SLC9A9: variants seen among roughly 807,000 people sequenced by gnomAD.
SLC9A9 encodes solute carrier family 9 member A9.
Under a neutral mutation model 77.8 loss-of-function variants are expected in SLC9A9, and 62 were observed. The ratio of observed to expected loss-of-function variants is 0.80; its 90% CI spans 0.65 to 0.98. The LOEUF (loss-of-function observed/expected upper bound fraction) is 0.98, where lower values mean the gene tolerates loss of function less well. Ranked by LOEUF, SLC9A9 falls within the 50% of genes least tolerant of loss-of-function variation. The probability of loss-of-function intolerance (pLI) is 0.00; values close to 1 mark genes in which losing one functional copy is unlikely to be tolerated. For missense variants in SLC9A9, 775 were observed against 774.9 expected (o/e 1.00, Z 0.00); for synonymous variants, 320 against 283.5 (o/e 1.13, Z -1.29).
rs183797075 is a variant in SLC9A9 at position 143,336,326 on chromosome 3, A to C, written c.1604+27158T>G. On this transcript the variant is annotated intron_variant, in intron 14 of 15. Coordinates refer to ENST00000316549, the MANE Select transcript of SLC9A9 (RefSeq NM_173653.4). ...GGGTGCAGCTGCTATGGAAAACAGT[A>C]AGTATGTTCCTCAAAAAATTAAAAA... 2.6e-5 allele frequency among the ~76,000 whole-genome samples: 4 copies of C among 152,264 alleles called. No homozygotes were observed. The East Asian group carries it at 7.7e-4, about 29-fold the overall frequency.
chr3:143,395,924 G>T (rs2033717931), intron 12 of SLC9A9, among the ~76,000 whole-genome samples: 1 of 152,192 alleles, frequency 6.6e-6, no homozygotes, highest in Non-Finnish European at 1.5e-5. Context: ...AGTTAGAATG[G>T]CGATCATTAA....
intron 6 of SLC9A9, among the ~76,000 whole-genome samples, chr3:143,632,425 G>C (rs1357427256): frequency 6.6e-6 from 1 of 151,998 alleles, no homozygotes; most frequent in Non-Finnish European, 1.5e-5. Context: ...GCCATCACAT[G>C]GTTTAAAATA....
rs186498062 is a variant in SLC9A9, at chr3:143,302,472, T to G, written c.1605-33492A>C. 2.5e-4 allele frequency among the ~76,000 whole-genome samples: 38 copies of G among 152,162 alleles called. 1 individual carries two copies. In the East Asian group the frequency reaches 5.4e-3, roughly 22 times the overall value. On this transcript the variant is annotated intron_variant, in intron 14 of 15. Coordinates refer to ENST00000316549, the MANE Select transcript of SLC9A9 (RefSeq NM_173653.4). ...TATTAAGAGGAATGAATTAAAGGGC[T>G]GAAAAAGCCCAAGAAAGGAGATGCA...
intron 6 of SLC9A9, among the ~76,000 whole-genome samples, chr3:143,580,028 C>T (rs1051479548): frequency 3.3e-5 from 5 of 152,146 alleles, no homozygotes; most frequent in Admixed American, 6.5e-5. Flanking sequence ...TTGAATGAAG[C>T]CTTGAAATGT....
intron 11 of SLC9A9, among the ~76,000 whole-genome samples, chr3:143,488,843 C>T (rs1008382769): frequency 6.6e-6 from 1 of 151,826 alleles, no homozygotes; most frequent in African/African-American, 2.4e-5. Flanking sequence ...GACAAAAATG[C>T]CCACTTTGAC....
At chr3:143,554,691 C>A (rs1000649039) in intron 8 of SLC9A9, among the ~76,000 whole-genome samples, 1 of 152,154 alleles carries the variant, frequency 6.6e-6, no homozygotes, top group African/African-American at 2.4e-5. Flanking sequence ...TCTCTTCCTG[C>A]CCCTTCCCCA....
chr3:143,497,230 T>C (rs2035851227), intron 9 of SLC9A9, among the ~76,000 whole-genome samples: 1 of 152,162 alleles, frequency 6.6e-6, no homozygotes, highest in Non-Finnish European at 1.5e-5. Flanking sequence ...CCATCCCAAC[T>C]GTATTTTACC....
intron 6 of SLC9A9, among the ~76,000 whole-genome samples, chr3:143,640,487 G>A (rs529097319): frequency 6.6e-6 from 1 of 152,270 alleles, no homozygotes; most frequent in South Asian, 2.1e-4. Flanking sequence ...CAAACAAGGG[G>A]ATAAAATGAA....
intron 6 of SLC9A9, among the ~76,000 whole-genome samples, chr3:143,595,224 T>C (rs901682949): frequency 6.6e-6 from 1 of 152,216 alleles, no homozygotes; most frequent in African/African-American, 2.4e-5. Context: ...TGCTGAGCTG[T>C]TGGGGAGATC....
chr3:143,611,678 G>A (rs2038024329), intron 6 of SLC9A9, among the ~76,000 whole-genome samples: 1 of 152,106 alleles, frequency 6.6e-6, no homozygotes, highest in South Asian at 2.1e-4. Context: ...ATCTTGGATG[G>A]AAGGTCAAGA....
At chr3:143,514,212 C>CTTTTTT (rs34218404) in intron 9 of SLC9A9, among the ~76,000 whole-genome samples, 1 of 146,478 alleles carries the variant, frequency 6.8e-6, no homozygotes. Flanking sequence ...TGAAAGGAAC[C>CTTTTTT]TTTTTTTTTT....
chr3:143,783,863 C>T lies in SLC9A9; in HGVS notation c.533+11138G>A, dbSNP rs201330808. Among the ~76,000 whole-genome samples, 8 of 152,254 alleles carry T rather than the reference C, an allele frequency of 5.3e-5. No homozygotes were observed. In the East Asian group the frequency reaches 1.5e-3, roughly 29 times the overall value. On this transcript the variant is annotated intron_variant, in intron 4 of 15. Transcript: ENST00000316549. ...AGGCCCGGGAAAGGTGTAATAAAGG[C>T]CATAGGGCATAGCTTCTTAAACTTA...
Position 143,266,600 on chromosome 3 carries a change from A to T in SLC9A9, c.*102T>A. On this transcript the variant is annotated 3_prime_UTR_variant, in exon 16 of 16. Coordinates refer to ENST00000316549, the MANE Select transcript of SLC9A9 (RefSeq NM_173653.4). ...TGATTCTCTCCAATTTATGCTCTTAATATGTTTTCCAGCCTCTCCCCTGTA... is the reference window on the plus strand; with the variant it reads ...TGATTCTCTCCAATTTATGCTCTTATTATGTTTTCCAGCCTCTCCCCTGTA... 8.6e-7 allele frequency: 1 copy of T among 1,162,386 alleles called. No individual in the cohort carries two copies. The highest frequency in any genetic ancestry group is 1.3e-6 in the Non-Finnish European group (1 of 787,266). 72.0% of individuals were successfully genotyped at this position (1,162,386 alleles called of 1,614,324 possible).
intron 12 of SLC9A9, among the ~76,000 whole-genome samples, chr3:143,414,045 TAGTC>T (rs2034146661): frequency 1.3e-5 from 2 of 152,224 alleles, no homozygotes; most frequent in Non-Finnish European, 1.5e-5. Flanking sequence ...GAAAATGAAA[TAGTC>T]AGTGTTTGGT....
chr3:143,811,804 G>A (rs772998517), intron 2 of SLC9A9: 10 of 442,650 alleles, frequency 2.3e-5, no homozygotes, highest in South Asian at 1.4e-4. Flanking sequence ...AGAGGTTGCA[G>A]TGAGCCAGGA....
chr3:143,664,853 C>A (rs774430885), intron 5 of SLC9A9, among the ~76,000 whole-genome samples: 2 of 152,194 alleles, frequency 1.3e-5, no homozygotes, highest in Admixed American at 6.5e-5. Context: ...TAGAGACATA[C>A]AAAGAGACTT....
intron 1 of SLC9A9, among the ~76,000 whole-genome samples, chr3:143,835,419 T>A (rs1230363033): frequency 6.6e-6 from 1 of 152,246 alleles, no homozygotes; most frequent in African/African-American, 2.4e-5. Flanking sequence ...CACTCATTTG[T>A]GCACTCTTGC....
intron 14 of SLC9A9, among the ~76,000 whole-genome samples, chr3:143,355,382 CT>C (rs2032559966): frequency 6.6e-6 from 1 of 152,150 alleles, no homozygotes; most frequent in South Asian, 2.1e-4. Flanking sequence ...GAGCACTGTT[CT>C]AAGTGTTTTG....
intron 6 of SLC9A9, among the ~76,000 whole-genome samples, chr3:143,590,915 C>T (rs768960010): frequency 1.3e-5 from 2 of 152,204 alleles, no homozygotes; most frequent in Non-Finnish European, 2.9e-5. Context: ...TTGGAGCCTG[C>T]AGCGTTTCAT....
Sources: allele counts gnomAD v4.1 joint callset (sites outside exome capture counted in the v4.1 genomes callset), GRCh38; gene constraint gnomAD v4.1.1; transcripts MANE v1.5; gene names NCBI Gene and HGNC (gene_info 2026-07-23, HGNC 2026-07-21).